Variants in TEX9 observed in about 807,000 individuals in gnomAD.
The protein encoded by TEX9 is testis-expressed protein 9.
A neutral mutation model predicts 59.6 loss-of-function variants in TEX9; 74 were observed. The ratio of observed to expected loss-of-function variants is 1.24; its 90% CI spans 1.03 to 1.51. The LOEUF is 1.51. TEX9 is among the 40% of genes most tolerant of loss of function. TEX9 has a pLI of 0.00. For missense variants in TEX9, 522 were observed against 447.8 expected (o/e 1.17, Z -1.49); for synonymous variants, 186 against 152.2 (o/e 1.22, Z -1.64).
At chr15:56,378,879 A>C (rs1483787754) in intron 3 of TEX9, among the ~76,000 whole-genome samples, 1 of 152,026 alleles carries the variant, frequency 6.6e-6, no homozygotes, top group Non-Finnish European at 1.5e-5. Context: ...CAGCCTGGGC[A>C]ACATGGTGAA....
At chr15:56,254,235 G>C (rs2044093327) in intron 1 of TEX9, among the ~76,000 whole-genome samples, 1 of 151,980 alleles carries the variant, frequency 6.6e-6, no homozygotes. Flanking sequence ...AAACATACTA[G>C]AGCAACTGTG....
chr15:56,260,799 A>G (rs925965470), intron 1 of TEX9, among the ~76,000 whole-genome samples: 2 of 151,998 alleles, frequency 1.3e-5, no homozygotes, highest in African/African-American at 2.4e-5. Context: ...TTCTTTCCTG[A>G]AAGAGGTTAT....
upstream of TEX9, among the ~76,000 whole-genome samples, chr15:56,362,673 G>A (rs539501909): frequency 7.9e-5 from 12 of 152,022 alleles, no homozygotes; most frequent in South Asian, 6.2e-4. Flanking sequence ...TTTCACTAGC[G>A]CCCCCCAAAC....
At chr15:56,397,534 A>C (rs114160194) in intron 9 of TEX9, 1 of 152,396 alleles carries the variant, frequency 6.6e-6, no homozygotes, top group African/African-American at 2.4e-5. Context: ...AATGTCTCCC[A>C]AGGTATGCAG....
chr15:56,366,113 C>T (rs1376624676), intron 2 of TEX9, among the ~76,000 whole-genome samples: 3 of 152,178 alleles, frequency 2.0e-5, no homozygotes, highest in African/African-American at 7.2e-5. Context: ...TTACCATTCT[C>T]GTTCAAATAT....
At position 56,423,073 on chromosome 15, in the gene TEX9, C is replaced by A. The variant is rs113767484; in HGVS notation, c.964-4532C>A. On this transcript the variant is annotated intron_variant, in intron 10 of 12. Transcript: ENST00000352903. ...AGTGGACAGTTGAGCTGCTTCCCAA[C>A]CTTTTGGCTAGTATGAGTTGCACTG... Among the ~76,000 whole-genome samples the A allele has an allele frequency of 9.1e-3, 1,385 of 152,192 alleles. 17 individuals are homozygous for A. Among genetic ancestry groups the A allele is most frequent in the African/African-American group, 0.031 (1,302 of 41,518 alleles).
chr15:56,289,449 C>CA (rs2045033075), intron 1 of TEX9, among the ~76,000 whole-genome samples: 1 of 152,116 alleles, frequency 6.6e-6, no homozygotes, highest in Non-Finnish European at 1.5e-5. Flanking sequence ...AGTTCTGGCA[C>CA]CATTGAGGGT....
intron 12 of TEX9, among the ~76,000 whole-genome samples, chr15:56,435,656 A>G (rs531157652): frequency 3.3e-5 from 5 of 152,164 alleles, no homozygotes; most frequent in African/African-American, 9.6e-5. Flanking sequence ...TCCTATCACT[A>G]TTAAGGAGAC....
At chr15:56,412,134 G>A (rs2049383468) in intron 9 of TEX9, among the ~76,000 whole-genome samples, 168 bp from the exon 10 acceptor site, 1 of 151,950 alleles carries the variant, frequency 6.6e-6, no homozygotes, top group African/African-American at 2.4e-5. Flanking sequence ...AGAATTCCTT[G>A]AGACCTCTAA....
intron 10 of TEX9, among the ~76,000 whole-genome samples, chr15:56,414,237 T>G (rs1419435809): frequency 7.9e-6 from 1 of 127,072 alleles, no homozygotes; most frequent in Non-Finnish European, 1.7e-5. Context: ...GCCAGCCATT[T>G]TGTTTTATTT....
At chr15:56,355,670 G>A (rs1441131293) in intron 1 of TEX9, among the ~76,000 whole-genome samples, 1 of 152,082 alleles carries the variant, frequency 6.6e-6, no homozygotes, top group Non-Finnish European at 1.5e-5. Flanking sequence ...GTTGATTGGA[G>A]AGAACTGACA....
chr15:56,268,696 GC>G (rs2044450781), intron 1 of TEX9, among the ~76,000 whole-genome samples: 1 of 150,974 alleles, frequency 6.6e-6, no homozygotes, highest in Non-Finnish European at 1.5e-5. Context: ...CGGTGGATAA[GC>G]TTTTTGATGT....
the TEX9 span, among the ~76,000 whole-genome samples, chr15:56,457,395 G>A: frequency 6.6e-5 from 10 of 152,124 alleles, no homozygotes; most frequent in Admixed American, 3.9e-4. Context: ...ATATTACTAC[G>A]TACCTATTGG....
chr15:56,414,169 C>A (rs2049546837), intron 10 of TEX9, among the ~76,000 whole-genome samples: 1 of 151,768 alleles, frequency 6.6e-6, no homozygotes, highest in Non-Finnish European at 1.5e-5. Flanking sequence ...TATTAGTTCA[C>A]ATATTAAGAA....
chr15:56,448,269 C>T (rs2050922317), downstream of TEX9, among the ~76,000 whole-genome samples: 1 of 152,122 alleles, frequency 6.6e-6, no homozygotes, highest in Non-Finnish European at 1.5e-5. Flanking sequence ...CTTTTAGATA[C>T]TGGGGGTACA....
At chr15:56,448,222 A>G (rs1407834466), downstream of TEX9, among the ~76,000 whole-genome samples, 2 of 152,202 alleles carry the variant, frequency 1.3e-5, no homozygotes, top group African/African-American at 4.8e-5. Context: ...GAAGCTGCCA[A>G]ACTGTCTACT....
chr15:56,424,962 T>C (rs2050171142), intron 10 of TEX9, among the ~76,000 whole-genome samples: 2 of 152,182 alleles, frequency 1.3e-5, no homozygotes, highest in African/African-American at 4.8e-5. Flanking sequence ...TCCTCAGCTC[T>C]TATCTAGGAA....
chr15:56,345,565 C>T (rs1221768342), intron 1 of TEX9, among the ~76,000 whole-genome samples: 1 of 152,134 alleles, frequency 6.6e-6, no homozygotes, highest in Non-Finnish European at 1.5e-5. Flanking sequence ...GCTGGGACTA[C>T]AGGCATGTGC....
At chr15:56,274,147 C>T (rs954926147) in intron 1 of TEX9, among the ~76,000 whole-genome samples, 3 of 152,254 alleles carry the variant, frequency 2.0e-5, no homozygotes, top group Middle Eastern at 3.4e-3. Flanking sequence ...TACCACAGCT[C>T]TTGGGTGCTC....
Sources: gnomAD v4.1 joint callset for allele counts (sites outside exome capture counted in the v4.1 genomes callset) on GRCh38, gnomAD v4.1.1 for gene constraint, MANE v1.5 for transcripts, NCBI Gene and HGNC (gene_info 2026-07-23, HGNC 2026-07-21) for gene names.